The following THSD4 variants were observed in gnomAD, a reference collection of about 807,000 sequenced individuals.
THSD4 encodes thrombospondin type-1 domain-containing protein 4.
Under a neutral mutation model 119.0 loss-of-function variants are expected in THSD4, and 69 were observed. The ratio of observed to expected loss-of-function variants is 0.58; its 90% CI spans 0.48 to 0.71. THSD4 has a LOEUF of 0.71. Among genes scored for constraint, THSD4 ranks in the 30% least tolerant of loss-of-function variants. The pLI is 0.00. For synonymous variants in THSD4, 524 were observed against 540.4 expected, an observed-to-expected ratio of 0.97 and a Z score of 0.42; for missense variants, 1,393 against 1,391.1, an observed-to-expected ratio of 1.00 and a Z score of -0.02.
chr15:71,225,159 C>G (rs1377992685), intron 4 of THSD4, among the ~76,000 whole-genome samples: 2 of 152,062 alleles, frequency 1.3e-5, no homozygotes, highest in Admixed American at 1.3e-4. Context: ...AGAGGAAAAA[C>G]CATGCATCCC....
chr15:71,159,416 T>C (rs917199119), intron 3 of THSD4, among the ~76,000 whole-genome samples: 2 of 152,192 alleles, frequency 1.3e-5, no homozygotes, highest in African/African-American at 2.4e-5. Context: ...TGTATGGCCA[T>C]TTTAACAACA....
intron 3 of THSD4, among the ~76,000 whole-genome samples, chr15:71,162,652 G>C (rs1201801822): frequency 6.6e-6 from 1 of 151,966 alleles, no homozygotes; most frequent in African/African-American, 2.4e-5. Context: ...TGACCTTCCT[G>C]AATGTGGATG....
intron 7 of THSD4, among the ~76,000 whole-genome samples, chr15:71,444,122 G>A (rs1018295682): frequency 2.0e-5 from 3 of 152,136 alleles, no homozygotes; most frequent in South Asian, 2.1e-4. Context: ...CTGTTAAAAC[G>A]GTGCAAGTGC....
At position 71,595,248 on chromosome 15, in the gene THSD4, A is replaced by G. The variant is rs950323454; in HGVS notation, c.1153-65282A>G. ...CCTAAAGATTTGTTTTAACAAGGTGATAAGCTTTGGCTGTGTCCCCATCCA... is the reference window on the plus strand; with the variant it reads ...CCTAAAGATTTGTTTTAACAAGGTGGTAAGCTTTGGCTGTGTCCCCATCCA... On this transcript the variant is annotated intron_variant, in intron 7 of 17. Coordinates refer to ENST00000261862, the MANE Select transcript of THSD4 (RefSeq NM_024817.3). 4.6e-5 allele frequency among the ~76,000 whole-genome samples: 7 copies of G among 152,324 alleles called. No homozygotes were observed. In the South Asian group the frequency reaches 1.0e-3, roughly 23 times the overall value.
At chr15:71,502,330 A>G (rs1370588385) in intron 7 of THSD4, among the ~76,000 whole-genome samples, 1 of 152,216 alleles carries the variant, frequency 6.6e-6, no homozygotes, top group African/African-American at 2.4e-5. Flanking sequence ...GAAATGAACT[A>G]GGAGTGCTAA....
At chr15:71,275,604 C>G (rs555524201) in intron 6 of THSD4, among the ~76,000 whole-genome samples, 1 of 152,316 alleles carries the variant, frequency 6.6e-6, no homozygotes, top group South Asian at 2.1e-4. Context: ...GACATTCTCA[C>G]CCCACTGATA....
intron 3 of THSD4, among the ~76,000 whole-genome samples, chr15:71,172,721 ATATATATATATATG>A (rs1424714471): frequency 6.8e-5 from 8 of 118,364 alleles, no homozygotes; most frequent in Non-Finnish European, 1.3e-4. Flanking sequence ...ATATATATAT[ATATATATATATATG>A]TGGACAATTG....
At chr15:71,739,671 A>T (rs2053197089) in intron 11 of THSD4, among the ~76,000 whole-genome samples, 1 of 152,136 alleles carries the variant, frequency 6.6e-6, no homozygotes, top group Non-Finnish European at 1.5e-5. Flanking sequence ...TTTGTAGTAA[A>T]GTCCTATTTT....
At chr15:71,737,155 C>G (rs2053129899) in intron 10 of THSD4, among the ~76,000 whole-genome samples, 4 of 152,298 alleles carry the variant, frequency 2.6e-5, no homozygotes, top group Admixed American at 2.0e-4. Context: ...GTAACCATAC[C>G]TGTATATTCA....
At chr15:71,734,406 C>G (rs1423206761) in intron 10 of THSD4, among the ~76,000 whole-genome samples, 1 of 152,156 alleles carries the variant, frequency 6.6e-6, no homozygotes, top group Non-Finnish European at 1.5e-5. Context: ...GAAAAGACTA[C>G]CTATTGTTTG....
At chr15:71,512,423 G>A (rs1270435971) in intron 7 of THSD4, among the ~76,000 whole-genome samples, 6 of 152,108 alleles carry the variant, frequency 3.9e-5, no homozygotes, top group East Asian at 3.9e-4. Flanking sequence ...TGACCCCTGC[G>A]TTTACAATAA....
chr15:71,484,799 C>T lies in THSD4; in HGVS notation c.1152+72976C>T, dbSNP rs974276075. Among the ~76,000 whole-genome samples, 8 of 152,114 alleles carry T rather than the reference C, an allele frequency of 5.3e-5. No individual in the cohort carries two copies. In the South Asian group the frequency reaches 6.2e-4, roughly 12 times the overall value. The stretch of plus-strand genomic sequence containing the variant: ...TGAAGTGAACCCTTGTGATGGAGTA[C>T]GACCTGGGGCCAAAGTTTCCCCTCC... On this transcript the variant is annotated intron_variant, in intron 7 of 17. Coordinates refer to ENST00000261862, the MANE Select transcript of THSD4 (RefSeq NM_024817.3).
chr15:71,750,701 C>T (rs957463744), intron 14 of THSD4, among the ~76,000 whole-genome samples: 2 of 152,228 alleles, frequency 1.3e-5, no homozygotes, highest in Non-Finnish European at 2.9e-5. Flanking sequence ...GGAGCAGACA[C>T]TAATTTGGCC....
At chr15:71,341,023 A>G in intron 6 of THSD4, 1 of 667,646 alleles carries the variant, frequency 1.5e-6, no homozygotes, top group Non-Finnish European at 2.5e-6. Context: ...ATTGTTTCCC[A>G]GTGTCTTGCA....
rs115297013 is a variant in THSD4, at chr15:71,525,896, C to A, written c.1152+114073C>A. Reference sequence around the variant, plus strand: ...TTTCCCATTCCCTGTAGAACCTGAACCCCTCAAGGACAGGGAATGGGTCTC... The same window carrying A: ...TTTCCCATTCCCTGTAGAACCTGAAACCCTCAAGGACAGGGAATGGGTCTC... On this transcript the variant is annotated intron_variant, in intron 7 of 17. Transcript: ENST00000261862. Among the ~76,000 whole-genome samples the A allele has an allele frequency of 4.1e-3, 617 of 152,282 alleles. 7 individuals are homozygous for A. The highest frequency in any genetic ancestry group is 0.014 in the African/African-American group (588 of 41,554).
At chr15:71,369,282 C>T (rs1566957665) in intron 6 of THSD4, among the ~76,000 whole-genome samples, 2 of 152,114 alleles carry the variant, frequency 1.3e-5, no homozygotes, top group African/African-American at 2.4e-5. Context: ...TTTCTTTCTC[C>T]TGCCTGATTG....
chr15:71,457,503 C>CA (rs1022015085), intron 7 of THSD4, among the ~76,000 whole-genome samples: 1 of 151,550 alleles, frequency 6.6e-6, no homozygotes, highest in African/African-American at 2.4e-5. Context: ...TTGCTGTGGA[C>CA]AACAGGGTCC....
At chr15:71,526,829 T>C (rs1216268911) in intron 7 of THSD4, among the ~76,000 whole-genome samples, 1 of 152,226 alleles carries the variant, frequency 6.6e-6, no homozygotes, top group Non-Finnish European at 1.5e-5. Context: ...TCTCTTATAG[T>C]GTCTGTTGGA....
chr15:71,184,216 G>C (rs751833415), intron 3 of THSD4: 1 of 151,762 alleles, frequency 6.6e-6, no homozygotes, highest in Non-Finnish European at 1.5e-5. Context: ...GGATTCTCTG[G>C]AAAGAGGAAG....
Sources: gnomAD v4.1 joint callset for allele counts (sites outside exome capture counted in the v4.1 genomes callset) on GRCh38, gnomAD v4.1.1 for gene constraint, MANE v1.5 for transcripts, NCBI Gene and HGNC (gene_info 2026-07-23, HGNC 2026-07-21) for gene names.